Variants in GLI2 observed in about 807,000 individuals in gnomAD.
GLI2 encodes transcription activator GLI2.
A neutral mutation model predicts 78.9 loss-of-function variants in GLI2; 22 were observed. The ratio of observed to expected loss-of-function variants is 0.28; its 90% CI spans 0.20 to 0.40. GLI2 has a LOEUF of 0.40. GLI2 is among the 10% of genes least tolerant of loss of function. The probability of loss-of-function intolerance (pLI) is 1.00; values close to 1 mark genes in which losing one functional copy is unlikely to be tolerated. For missense variants in GLI2, 2,097 were observed against 2,213.2 expected, an observed-to-expected ratio of 0.95 and a Z score of 1.05; for synonymous variants, 974 against 963.7, an observed-to-expected ratio of 1.01 and a Z score of -0.20.
intron 1 of GLI2, among the ~76,000 whole-genome samples, chr2:120,774,668 G>T (rs1335590223): frequency 1.3e-5 from 2 of 152,196 alleles, no homozygotes; most frequent in African/African-American, 4.8e-5. Context: ...GGTTTACTGA[G>T]TCCTCATCCT....
intron 1 of GLI2, 39 bp from the exon 2 acceptor site, chr2:120,797,252 G>A: frequency 6.5e-7 from 1 of 1,539,642 alleles, no homozygotes; most frequent in Non-Finnish European, 9.0e-7. Flanking sequence ...GGCTGGGTTT[G>A]GGCTCAGTGT....
intron 3 of GLI2, among the ~76,000 whole-genome samples, chr2:120,934,885 A>G (rs1264687433): frequency 6.6e-6 from 1 of 152,116 alleles, no homozygotes; most frequent in Non-Finnish European, 1.5e-5. Flanking sequence ...AGTGTCCCAT[A>G]AAGACTGCAC....
At position 120,797,659 on chromosome 2, in the gene GLI2, G is replaced by GCCA. The variant is rs58254611; in HGVS notation, c.148+194_148+196dup. Among the ~76,000 whole-genome samples the GCCA allele has an allele frequency of 0.49, 74,281 of 151,382 alleles. 18,506 individuals carry two copies. Among genetic ancestry groups the GCCA allele is most frequent in the Admixed American group, 0.54 (8,169 of 15,216 alleles). Reference sequence around the variant, plus strand: ...ACCTGTGAGTTTGCTAAGAGGTCTGGCCACCCCAAGTCCAGGGGGCTGAGC... The same window carrying GCCA: ...ACCTGTGAGTTTGCTAAGAGGTCTGGCCACCACCCCAAGTCCAGGGGGCTGAGC... On this transcript the variant is annotated intron_variant, in intron 2 of 13. Coordinates refer to ENST00000361492, the MANE Select transcript of GLI2 (RefSeq NM_001374353.1).
In GLI2 at chr2:120,990,793, C is replaced by T. The variant is rs190824141; in HGVS notation, c.*118C>T. The T allele has an allele frequency of 5.4e-3, 3,981 of 739,254 alleles. 25 individuals are homozygous for T. Among genetic ancestry groups the T allele is most frequent in the Non-Finnish European group, 6.6e-3 (2,976 of 453,506 alleles). The allele number at this position is 739,254 out of a possible 1,614,324, so 45.8% of individuals were successfully genotyped here. On this transcript the variant is annotated 3_prime_UTR_variant, in exon 14 of 14. Coordinates refer to ENST00000361492, the MANE Select transcript of GLI2 (RefSeq NM_001374353.1). ...GTTAAATAGGCTTGAGGGGTTGTTG[C>T]GCAATGGCCGCTTCAGATGACAGAT...
chr2:120,921,012 G>A (rs1032932061), intron 2 of GLI2, among the ~76,000 whole-genome samples: 26 of 152,048 alleles, frequency 1.7e-4, no homozygotes, highest in Admixed American at 1.1e-3. Context: ...CATGCTCCTC[G>A]TGGGCTTCTG....
intron 8 of GLI2, chr2:120,972,665 T>C (rs761661101): frequency 1.9e-6 from 1 of 518,700 alleles, no homozygotes; most frequent in East Asian, 5.5e-5. Flanking sequence ...GCCACCAGGG[T>C]TTGTGCAAGT....
intron 11 of GLI2, among the ~76,000 whole-genome samples, chr2:120,983,632 T>C (rs141986581): frequency 0.015 from 2,320 of 152,294 alleles, 21 homozygotes; most frequent in Non-Finnish European, 0.026. Flanking sequence ...TCTGTCTCCC[T>C]GGGTAGGCAG....
At chr2:120,935,563 A>C (rs2104898748) in intron 3 of GLI2, among the ~76,000 whole-genome samples, 1 of 152,254 alleles carries the variant, frequency 6.6e-6, no homozygotes, top group Non-Finnish European at 1.5e-5. Flanking sequence ...GGCTTATGTC[A>C]TGTCACCCTC....
intron 2 of GLI2, among the ~76,000 whole-genome samples, chr2:120,827,778 C>T (rs1686159005): frequency 6.6e-6 from 1 of 152,194 alleles, no homozygotes; most frequent in Non-Finnish European, 1.5e-5. Context: ...AAGTCAGTCA[C>T]AAAAGGACAT....
intron 2 of GLI2, among the ~76,000 whole-genome samples, chr2:120,896,443 C>T (rs994042426): frequency 7.2e-5 from 11 of 152,092 alleles, no homozygotes; most frequent in African/African-American, 2.7e-4. Context: ...TAGCCAGGCC[C>T]ACCAAGCTGG....
chr2:120,844,900 C>G (rs892555428), intron 2 of GLI2, among the ~76,000 whole-genome samples: 1 of 152,094 alleles, frequency 6.6e-6, no homozygotes, highest in Non-Finnish European at 1.5e-5. Context: ...AGGTGATGAA[C>G]GTTAACCTCT....
At chr2:120,902,185 A>ACCCCCCCCCC (rs11358856) in intron 2 of GLI2, among the ~76,000 whole-genome samples, 21 of 116,312 alleles carry the variant, frequency 1.8e-4, no homozygotes, top group South Asian at 3.0e-4. Flanking sequence ...ATTGACACCC[A>ACCCCCCCCCC]CCCCCCCCCA....
At chr2:120,985,197 G>T (rs932517160) in intron 12 of GLI2, among the ~76,000 whole-genome samples, 1 of 152,202 alleles carries the variant, frequency 6.6e-6, no homozygotes, top group Admixed American at 6.5e-5. Context: ...AAGGATAGAC[G>T]GTACTGAGGT....
chr2:120,986,294 C>T lies in GLI2; in HGVS notation c.1922C>T (p.Pro641Leu). ...TESSGLCQSS[P>L]GAQSSCSSEP... ...CCCCTGCAGCTGTGTCAGTCCAGCC[C>T]CGGGGCCCAGTCGTCCTGCAGCAGC... The change falls in exon 13 of 14, where the codon CCC becomes CTC. Residue 641 changes from proline (P) to leucine (L), a missense_variant. By Grantham distance (98) the Pro-to-Leu change is moderately conservative. This residue lies in a region of GLI2 where 68 missense variants were observed against 104.4 expected (regional missense o/e 0.65). Transcript: ENST00000361492. The T allele has an allele frequency of 6.2e-7, 1 of 1,613,228 alleles. No homozygotes were observed. Among genetic ancestry groups the T allele is most frequent in the Non-Finnish European group, 8.5e-7 (1 of 1,180,014 alleles).
In GLI2 at chr2:120,992,272, G is replaced by A. The variant is rs1025712795; in HGVS notation, c.*1597G>A. ...CCAGGGAACATTGCTAAGGGTCTGTGGCTCTGTGGTGGTGTTCATCGCCTT... is the reference window on the plus strand; with the variant it reads ...CCAGGGAACATTGCTAAGGGTCTGTAGCTCTGTGGTGGTGTTCATCGCCTT... On this transcript the variant is annotated 3_prime_UTR_variant, in exon 14 of 14. Coordinates refer to ENST00000361492, the MANE Select transcript of GLI2 (RefSeq NM_001374353.1). 4 of 152,410 alleles carry A rather than the reference G, an allele frequency of 2.6e-5. No homozygotes were observed. Among genetic ancestry groups the A allele is most frequent in the Non-Finnish European group, 4.4e-5 (3 of 68,068 alleles). 9.4% of individuals were successfully genotyped at this position (152,410 alleles called of 1,614,324 possible).
Position 120,988,620 on chromosome 2 carries a change from C to A in GLI2, c.2655C>A (p.Pro885=). The A allele has an allele frequency of 6.8e-7, 1 of 1,461,312 alleles. No homozygotes were observed. The highest frequency in any genetic ancestry group is 9.0e-7 in the Non-Finnish European group (1 of 1,112,486). 90.5% of individuals were successfully genotyped at this position (1,461,312 alleles called of 1,614,324 possible). The change falls in exon 14 of 14, where the codon CCC becomes CCA. Residue 885 remains proline (P), a synonymous_variant. Transcript: ENST00000361492. ...CGGCAGCCACTGGCGGCCCCCCGCC[C>A]ACTCCGCTGCCGGGCCTGGAGCGCA... is the stretch of plus-strand genomic sequence containing the variant. ...KYAAATGGPP[P]TPLPGLERMS...
At chr2:120,880,210 C>T (rs1329059867) in intron 2 of GLI2, among the ~76,000 whole-genome samples, 2 of 152,124 alleles carry the variant, frequency 1.3e-5, no homozygotes, top group African/African-American at 4.8e-5. Context: ...ACAGGTAGTG[C>T]TGAGTGGTCG....
At chr2:120,970,715 T>A in intron 7 of GLI2, 109 bp downstream of exon 7, 1 of 944,724 alleles carries the variant, frequency 1.1e-6, no homozygotes, top group Non-Finnish European at 1.7e-6. Flanking sequence ...TGGATTTACG[T>A]CTGGCCGCTA....
At chr2:120,880,035 G>A (rs935965276) in intron 2 of GLI2, among the ~76,000 whole-genome samples, 1 of 152,202 alleles carries the variant, frequency 6.6e-6, no homozygotes, top group Non-Finnish European at 1.5e-5. Flanking sequence ...GTGGCCAGAG[G>A]TGCCGCTTCA....
Sources: gnomAD v4.1 joint callset for allele counts (sites outside exome capture counted in the v4.1 genomes callset) on GRCh38, gnomAD v4.1.1 for gene constraint, gnomAD v4.1.1 regional missense constraint, MANE v1.5 for transcripts, NCBI Gene and HGNC (gene_info 2026-07-23, HGNC 2026-07-21) for gene names.